The following CSMD1 variants were observed in gnomAD, a reference collection of about 807,000 sequenced individuals.
The protein encoded by CSMD1 is CUB and sushi domain-containing protein 1.
Under a neutral mutation model 417.5 loss-of-function variants are expected in CSMD1, and 213 were observed. The observed-to-expected ratio is 0.51, with a 90% CI of 0.46 to 0.57. The LOEUF is 0.57. CSMD1 is among the 20% of genes least tolerant of loss of function. CSMD1 has a pLI of 0.00. For missense variants in CSMD1, 6,923 were observed against 4,529.7 expected (o/e 1.53, Z -15.17); for synonymous variants, 2,862 against 1,736.8 (o/e 1.65, Z -16.11).
intron 5 of CSMD1, among the ~76,000 whole-genome samples, chr8:3,893,503 A>C (rs114054977): frequency 0.016 from 2,360 of 151,806 alleles, 61 homozygotes; most frequent in African/African-American, 0.054. Flanking sequence ...ATTTATTACA[A>C]TTTTTGTTTT....
At chr8:4,239,882 T>C (rs1326754328) in intron 3 of CSMD1, among the ~76,000 whole-genome samples, 2 of 152,220 alleles carry the variant, frequency 1.3e-5, no homozygotes, top group Non-Finnish European at 2.9e-5. Context: ...TCCTTATCCT[T>C]TGCAGCATTA....
intron 8 of CSMD1, among the ~76,000 whole-genome samples, chr8:3,588,408 G>C (rs147864175): frequency 2.2e-4 from 33 of 152,216 alleles, no homozygotes; most frequent in Non-Finnish European, 4.0e-4. Flanking sequence ...TTTCAGTGTG[G>C]CCACTTCTTC....
intron 1 of CSMD1, among the ~76,000 whole-genome samples, chr8:4,783,830 A>T (rs950291817): frequency 1.3e-5 from 2 of 152,198 alleles, no homozygotes; most frequent in African/African-American, 4.8e-5. Context: ...TAAGGAAAAC[A>T]TTCTTATATT....
chr8:3,879,229 C>T (rs1225761906), intron 5 of CSMD1, among the ~76,000 whole-genome samples: 1 of 152,134 alleles, frequency 6.6e-6, no homozygotes, highest in African/African-American at 2.4e-5. Context: ...TATTTATACA[C>T]TATACCTGTG....
intron 2 of CSMD1, among the ~76,000 whole-genome samples, chr8:4,617,861 T>G (rs767163729): frequency 1.3e-5 from 2 of 152,218 alleles, no homozygotes; most frequent in African/African-American, 2.4e-5. Context: ...ACACTCACCC[T>G]TCTTGCTCTC....
intron 5 of CSMD1, among the ~76,000 whole-genome samples, chr8:3,776,300 C>G (rs187452875): frequency 8.5e-4 from 130 of 152,260 alleles, no homozygotes; most frequent in African/African-American, 3.1e-3. Context: ...CCAGAGGGGT[C>G]ACATACAACC....
At chr8:4,756,752 G>T (rs992146347) in intron 1 of CSMD1, among the ~76,000 whole-genome samples, 1 of 152,164 alleles carries the variant, frequency 6.6e-6, no homozygotes, top group Non-Finnish European at 1.5e-5. Flanking sequence ...AATAAATGTA[G>T]CAGCTTCCTG....
At chr8:3,441,954 C>A (rs192846506) in intron 12 of CSMD1, among the ~76,000 whole-genome samples, 4 of 151,612 alleles carry the variant, frequency 2.6e-5, no homozygotes, top group Non-Finnish European at 5.9e-5. Flanking sequence ...GGTATTGCCC[C>A]GAAGACTTTC....
intron 3 of CSMD1, among the ~76,000 whole-genome samples, chr8:4,036,703 C>G (rs541653579): frequency 6.6e-6 from 1 of 152,194 alleles, no homozygotes; most frequent in Non-Finnish European, 1.5e-5. Context: ...TTGTATCTGA[C>G]GTAAAGGATC....
At chr8:3,555,082 A>G (rs1384739511) in intron 10 of CSMD1, among the ~76,000 whole-genome samples, 2 of 152,122 alleles carry the variant, frequency 1.3e-5, no homozygotes, top group African/African-American at 4.8e-5. Context: ...GCCCTCGGCA[A>G]GTGCAGCCGT....
rs1054930116 is a variant in CSMD1 at position 4,379,276 on chromosome 8, G to C, written c.415+40677C>G. Among the ~76,000 whole-genome samples the C allele has an allele frequency of 1.1e-4, 17 of 152,268 alleles. No homozygotes were observed. The South Asian group carries it at 2.9e-3, about 26-fold the overall frequency. On this transcript the variant is annotated intron_variant, in intron 3 of 69. Coordinates refer to ENST00000635120, the MANE Select transcript of CSMD1 (RefSeq NM_033225.6). ...GGACTTTTTAAAAAATAGGTGACCA[G>C]AAATCTTCAAAACTGTCAAGGTCAA...
intron 4 of CSMD1, among the ~76,000 whole-genome samples, chr8:4,018,450 G>C (rs1158499983): frequency 6.6e-6 from 1 of 152,142 alleles, no homozygotes; most frequent in Non-Finnish European, 1.5e-5. Context: ...CTGCAGGTCT[G>C]TCAACACAGC....
chr8:4,539,038 T>C (rs1057346748), intron 2 of CSMD1, among the ~76,000 whole-genome samples: 2 of 152,226 alleles, frequency 1.3e-5, no homozygotes, highest in Non-Finnish European at 2.9e-5. Context: ...TTATCCTCCA[T>C]TGCCAGTGTT....
At chr8:4,454,376 G>C (rs1002006347) in intron 2 of CSMD1, among the ~76,000 whole-genome samples, 3 of 152,060 alleles carry the variant, frequency 2.0e-5, no homozygotes, top group Non-Finnish European at 1.5e-5. Flanking sequence ...CATACCTCTT[G>C]ATTTTCAAAA....
chr8:3,387,052 G>C (rs568496479), intron 18 of CSMD1, among the ~76,000 whole-genome samples: 12 of 152,284 alleles, frequency 7.9e-5, no homozygotes, highest in African/African-American at 2.9e-4. Flanking sequence ...CTCAGAATGA[G>C]AACTCCCAGG....
At chr8:4,833,650 C>A (rs905150791) in intron 1 of CSMD1, among the ~76,000 whole-genome samples, 1 of 152,172 alleles carries the variant, frequency 6.6e-6, no homozygotes, top group Non-Finnish European at 1.5e-5. Flanking sequence ...ACAGAGTAGA[C>A]AACACTACGT....
chr8:3,143,544 CTTAT>C (rs1330895772), intron 40 of CSMD1, among the ~76,000 whole-genome samples: 3 of 151,846 alleles, frequency 2.0e-5, no homozygotes, highest in African/African-American at 7.3e-5. Context: ...TTTTTGAAAA[CTTAT>C]TTGACTACTA....
intron 3 of CSMD1, among the ~76,000 whole-genome samples, chr8:4,111,556 C>T (rs1227759668): frequency 2.0e-5 from 3 of 152,130 alleles, no homozygotes; most frequent in Non-Finnish European, 4.4e-5. Context: ...AAAGAAAATG[C>T]AGTTCACATA....
intron 16 of CSMD1, 74 bp from the exon 17 acceptor site, chr8:3,396,455 T>G: frequency 9.3e-7 from 1 of 1,074,904 alleles, no homozygotes; most frequent in Non-Finnish European, 1.3e-6. Flanking sequence ...GACATCCTCA[T>G]TCCTTAATCA....
Sources: allele counts gnomAD v4.1 joint callset (sites outside exome capture counted in the v4.1 genomes callset), GRCh38; gene constraint gnomAD v4.1.1; transcripts MANE v1.5; gene names NCBI Gene and HGNC (gene_info 2026-07-23, HGNC 2026-07-21).